The following TECRL variants were observed in gnomAD, a reference collection of about 807,000 sequenced individuals.
TECRL encodes the protein trans-2,3-enoyl-CoA reductase-like.
Under a neutral mutation model 52.8 loss-of-function variants are expected in TECRL, and 63 were observed. The ratio of observed to expected loss-of-function variants is 1.19; its 90% CI spans 0.97 to 1.47. The LOEUF (loss-of-function observed/expected upper bound fraction) is 1.47. TECRL is among the 40% of genes most tolerant of loss of function. The probability of loss-of-function intolerance (pLI) is 0.00; values close to 1 mark genes in which losing one functional copy is unlikely to be tolerated. For synonymous variants in TECRL, 164 were observed against 141.9 expected (o/e 1.16, Z -1.10); for missense variants, 482 against 429.6 (o/e 1.12, Z -1.08).
At chr4:64,325,345 T>G (rs555589840) in intron 3 of TECRL, among the ~76,000 whole-genome samples, 1 of 152,312 alleles carries the variant, frequency 6.6e-6, no homozygotes, top group East Asian at 1.9e-4. Context: ...TGAGTGCTAT[T>G]TCTTTGGAGC....
At chr4:64,312,614 A>T (rs565171764) in intron 5 of TECRL, among the ~76,000 whole-genome samples, 1 of 152,078 alleles carries the variant, frequency 6.6e-6, no homozygotes, top group Admixed American at 6.5e-5. Context: ...TTTTTTAAGC[A>T]TTAGCTGGTT....
intron 7 of TECRL, among the ~76,000 whole-genome samples, chr4:64,300,822 C>G (rs1315508348): frequency 1.1e-4 from 17 of 151,064 alleles, no homozygotes; most frequent in East Asian, 1.9e-4. Flanking sequence ...GTATTAAACA[C>G]TCATTGTCAT....
intron 5 of TECRL, among the ~76,000 whole-genome samples, chr4:64,310,713 T>G (rs1419606325): frequency 6.6e-6 from 1 of 152,170 alleles, no homozygotes; most frequent in Non-Finnish European, 1.5e-5. Flanking sequence ...GGATCAAAGA[T>G]GACCTACTTT....
intron 1 of TECRL, among the ~76,000 whole-genome samples, chr4:64,403,289 C>T (rs1378633183): frequency 1.3e-5 from 2 of 151,848 alleles, no homozygotes; most frequent in Non-Finnish European, 2.9e-5. Flanking sequence ...CATGACCACT[C>T]CCCTGAGTTC....
intron 1 of TECRL, among the ~76,000 whole-genome samples, chr4:64,398,646 C>A (rs1041715441): frequency 5.3e-5 from 8 of 152,088 alleles, no homozygotes; most frequent in Non-Finnish European, 1.5e-5. Context: ...TATAAATTAC[C>A]CAGTCTCAGG....
chr4:64,366,068 G>GAAA (rs995632129), intron 2 of TECRL, among the ~76,000 whole-genome samples: 2 of 151,794 alleles, frequency 1.3e-5, no homozygotes, highest in Admixed American at 6.6e-5. Flanking sequence ...AGGGAGCCCA[G>GAAA]AAAAAAAGCC....
intron 1 of TECRL, among the ~76,000 whole-genome samples, chr4:64,398,873 C>T (rs2109772757): frequency 6.6e-6 from 1 of 152,212 alleles, no homozygotes; most frequent in Admixed American, 6.5e-5. Flanking sequence ...GAATTCTAGG[C>T]TGAAGATGTC....
In TECRL at chr4:64,313,648, A is replaced by C. The variant is rs1480766643; in HGVS notation, c.551+1000T>G. ...AGGCACCCGCCACCACGCCTGGCTA[A>C]TTTTTTGTATTTTTAGTAGAGACGG... On this transcript the variant is annotated intron_variant, in intron 5 of 11. Coordinates refer to ENST00000381210, the MANE Select transcript of TECRL (RefSeq NM_001010874.5). 4.0e-5 allele frequency among the ~76,000 whole-genome samples: 6 copies of C among 149,662 alleles called. No individual in the cohort carries two copies. The East Asian group carries it at 8.2e-4, about 20-fold the overall frequency.
At chr4:64,320,140 C>T (rs948351063) in intron 4 of TECRL, among the ~76,000 whole-genome samples, 5 of 151,956 alleles carry the variant, frequency 3.3e-5, no homozygotes, top group African/African-American at 9.6e-5. Context: ...TAACAGTCTT[C>T]ATATAATGAG....
chr4:64,358,657 C>T (rs1720956019), intron 2 of TECRL, among the ~76,000 whole-genome samples: 1 of 151,508 alleles, frequency 6.6e-6, no homozygotes, highest in African/African-American at 2.4e-5. Flanking sequence ...AAAACTGAAG[C>T]TATTATTATC....
intron 3 of TECRL, among the ~76,000 whole-genome samples, chr4:64,323,161 G>A (rs182319944): frequency 1.3e-5 from 2 of 151,820 alleles, no homozygotes; most frequent in African/African-American, 2.4e-5. Context: ...AAACTTTGTC[G>A]AGCTGAGGTG....
intron 2 of TECRL, among the ~76,000 whole-genome samples, chr4:64,360,247 T>G (rs1222612363): frequency 2.2e-5 from 1 of 45,700 alleles, no homozygotes; most frequent in Non-Finnish European, 5.7e-5. Context: ...CAGTGGGAGA[T>G]ACCCACTTAA....
At chr4:64,334,300 C>G (rs757915064) in intron 2 of TECRL, among the ~76,000 whole-genome samples, 24 of 151,978 alleles carry the variant, frequency 1.6e-4, no homozygotes, top group Non-Finnish European at 1.6e-4. Flanking sequence ...AAAAAAGATT[C>G]ATTTAGTACA....
intron 1 of TECRL, among the ~76,000 whole-genome samples, chr4:64,404,929 G>A (rs974779952): frequency 6.6e-6 from 1 of 152,018 alleles, no homozygotes; most frequent in African/African-American, 2.4e-5. Context: ...TTGAACCGGA[G>A]TGCACTTATT....
chr4:64,409,022 A>T, intron 1 of TECRL, 96 bp downstream of exon 1: 3 of 1,097,188 alleles, frequency 2.7e-6, no homozygotes, highest in Non-Finnish European at 3.8e-6. Flanking sequence ...GTATTTCAGA[A>T]CAGTCGTGTT....
intron 1 of TECRL, among the ~76,000 whole-genome samples, chr4:64,402,354 A>G (rs6821211): frequency 0.041 from 6,258 of 152,198 alleles, 135 homozygotes; most frequent in Non-Finnish European, 0.048. Context: ...CTAATATATC[A>G]ATTATAAGCC....
chr4:64,333,632 A>T (rs1016137692), intron 2 of TECRL, among the ~76,000 whole-genome samples: 3 of 152,204 alleles, frequency 2.0e-5, no homozygotes, highest in Admixed American at 1.3e-4. Flanking sequence ...ACTTTAAACC[A>T]TCCTGCAAAT....
chr4:64,288,648 G>A (rs1227148385), intron 9 of TECRL, among the ~76,000 whole-genome samples: 6 of 152,094 alleles, frequency 3.9e-5, no homozygotes, highest in Non-Finnish European at 5.9e-5. Context: ...AAGCTCCAAA[G>A]CACTTCCCAA....
rs558438604 is a variant in TECRL at position 64,302,860 on chromosome 4, A to G, written c.730+2306T>C. Reference sequence around the variant, plus strand: ...CTGCTTTGCTGAAAACAGCTTTAATATATACTATTTCCTTTTTTGTTACCT... The same window carrying G: ...CTGCTTTGCTGAAAACAGCTTTAATGTATACTATTTCCTTTTTTGTTACCT... On this transcript the variant is annotated intron_variant, in intron 7 of 11. Coordinates refer to ENST00000381210, the MANE Select transcript of TECRL (RefSeq NM_001010874.5). Among the ~76,000 whole-genome samples, 7 of 151,468 alleles carry G rather than the reference A, an allele frequency of 4.6e-5. No homozygotes were observed. The East Asian group carries it at 1.2e-3, about 25-fold the overall frequency.
Sources: allele counts gnomAD v4.1 joint callset (sites outside exome capture counted in the v4.1 genomes callset), GRCh38; gene constraint gnomAD v4.1.1; transcripts MANE v1.5; gene names NCBI Gene and HGNC (gene_info 2026-07-23, HGNC 2026-07-21).